Variants in GRIK2 observed in about 807,000 individuals in gnomAD.
GRIK2 encodes glutamate receptor ionotropic, kainate 2.
Under a neutral mutation model 100.3 loss-of-function variants are expected in GRIK2, and 32 were observed. That is an observed-to-expected ratio of 0.32 (90% CI 0.24 to 0.43). The LOEUF (loss-of-function observed/expected upper bound fraction) is 0.43. Among genes scored for constraint, GRIK2 ranks in the 20% least tolerant of loss-of-function variants. The pLI is 1.00. For synonymous variants in GRIK2, 417 were observed against 389.4 expected (o/e 1.07, Z -0.83); for missense variants, 843 against 1,114.9 (o/e 0.76, Z 3.47).
chr6:102,006,383 TA>T (rs1795228214), intron 14 of GRIK2, among the ~76,000 whole-genome samples: 1 of 116,128 alleles, frequency 8.6e-6, no homozygotes, highest in Non-Finnish European at 1.6e-5. Context: ...TATATATATA[TA>T]TATATATTTT....
intron 2 of GRIK2, among the ~76,000 whole-genome samples, chr6:101,599,247 A>C (rs1322152284): frequency 2.0e-5 from 3 of 151,790 alleles, no homozygotes; most frequent in African/African-American, 7.2e-5. Flanking sequence ...AAAGGACACC[A>C]TTTTGTTCTT....
At chr6:101,717,183 A>G (rs1306920312) in intron 7 of GRIK2, among the ~76,000 whole-genome samples, 3 of 151,826 alleles carry the variant, frequency 2.0e-5, no homozygotes, top group African/African-American at 2.4e-5. Flanking sequence ...AATGAGGTAT[A>G]TAAAAAGGAG....
At chr6:102,011,616 C>T (rs1795541658) in intron 14 of GRIK2, among the ~76,000 whole-genome samples, 2 of 120,822 alleles carry the variant, frequency 1.7e-5, no homozygotes, top group Non-Finnish European at 1.6e-5. Context: ...CAGAGTCTCA[C>T]TCTGTCACCC....
At chr6:101,437,053 T>A (rs1346643993) in intron 2 of GRIK2, among the ~76,000 whole-genome samples, 1 of 151,600 alleles carries the variant, frequency 6.6e-6, no homozygotes, top group Non-Finnish European at 1.5e-5. Flanking sequence ...TATACTATTT[T>A]GTAAACAAAT....
intron 14 of GRIK2, among the ~76,000 whole-genome samples, chr6:101,977,720 T>C (rs1793478122): frequency 6.6e-6 from 1 of 151,978 alleles, no homozygotes. Context: ...AGGGAGATTT[T>C]AGTGGAAGAC....
At chr6:101,831,101 C>T (rs577928957) in intron 10 of GRIK2, among the ~76,000 whole-genome samples, 15 of 152,062 alleles carry the variant, frequency 9.9e-5, no homozygotes, top group Non-Finnish European at 8.8e-5. Context: ...GCACATGTAA[C>T]CCCTGAATCT....
At chr6:101,895,656 A>G (rs767094272) in intron 12 of GRIK2, among the ~76,000 whole-genome samples, 5 of 151,830 alleles carry the variant, frequency 3.3e-5, no homozygotes, top group Non-Finnish European at 5.9e-5. Context: ...TTGTCACATT[A>G]AAATGAAATG....
At chr6:101,608,815 ATGTATGTATGTG>A (rs141984091) in intron 2 of GRIK2, among the ~76,000 whole-genome samples, 24,660 of 120,400 alleles carry the variant, frequency 0.2, 2,055 homozygotes, top group Admixed American at 0.27. Flanking sequence ...GTGTGTGTGT[ATGTATGTATGTG>A]TGTGTGTGTC....
chr6:101,941,576 T>C lies in GRIK2; in HGVS notation c.2085+12944T>C, dbSNP rs544645384. ...CAAATGTTCAATACATTTAAAAATA[T>C]GTTTTGACAGAGTCTGAAGTTACAC... On this transcript the variant is annotated intron_variant, in intron 14 of 16. Coordinates refer to ENST00000369134, the MANE Select transcript of GRIK2 (RefSeq NM_021956.5). Among the ~76,000 whole-genome samples, 272 of 152,198 alleles carry C rather than the reference T, an allele frequency of 1.8e-3. 1 individual carries two copies. Among genetic ancestry groups the C allele is most frequent in the Middle Eastern group, 3.4e-3 (1 of 294 alleles).
chr6:101,872,764 A>G (rs1785515342), intron 11 of GRIK2, among the ~76,000 whole-genome samples: 2 of 151,880 alleles, frequency 1.3e-5, no homozygotes, highest in Admixed American at 1.3e-4. Flanking sequence ...TTCCTCACAT[A>G]AATTATGTTT....
intron 2 of GRIK2, among the ~76,000 whole-genome samples, chr6:101,603,374 G>A (rs1779307664): frequency 6.6e-6 from 1 of 151,648 alleles, no homozygotes; most frequent in African/African-American, 2.4e-5. Flanking sequence ...GGATAAGACA[G>A]AGTCTTGTAG....
At chr6:101,406,401 C>G (rs546871838) in intron 2 of GRIK2, among the ~76,000 whole-genome samples, 1 of 152,226 alleles carries the variant, frequency 6.6e-6, no homozygotes, top group African/African-American at 2.4e-5. Context: ...GGTCACTAGA[C>G]AGCAGGGCCA....
intron 11 of GRIK2, among the ~76,000 whole-genome samples, chr6:101,878,070 GTATAT>G (rs67537651): frequency 0.37 from 50,433 of 135,024 alleles, 9,659 homozygotes; most frequent in Admixed American, 0.43. Flanking sequence ...ATCGTGCCAG[GTATAT>G]TATATTATAT....
chr6:101,651,896 CAAAG>C (rs957894662), intron 4 of GRIK2, among the ~76,000 whole-genome samples: 4 of 152,106 alleles, frequency 2.6e-5, no homozygotes, highest in African/African-American at 9.6e-5. Flanking sequence ...TGAGTATAAA[CAAAG>C]AAGACTCGGA....
At chr6:101,892,626 A>C (rs557636050) in intron 12 of GRIK2, among the ~76,000 whole-genome samples, 27 of 152,030 alleles carry the variant, frequency 1.8e-4, no homozygotes, top group African/African-American at 6.5e-4. Flanking sequence ...TCAGCTTCTT[A>C]TTCCACAATT....
At chr6:101,572,667 A>G (rs1777592828) in intron 2 of GRIK2, among the ~76,000 whole-genome samples, 1 of 151,582 alleles carries the variant, frequency 6.6e-6, no homozygotes. Context: ...TGTAGTTCAA[A>G]ACGTACCCTG....
At chr6:101,420,143 G>A (rs1266278237) in intron 2 of GRIK2, among the ~76,000 whole-genome samples, 1 of 152,212 alleles carries the variant, frequency 6.6e-6, no homozygotes, top group African/African-American at 2.4e-5. Context: ...CTCAGAGCAA[G>A]TTGATCGCCC....
At chr6:101,809,949 AAATC>A (rs1781227076) in intron 9 of GRIK2, among the ~76,000 whole-genome samples, 1 of 152,004 alleles carries the variant, frequency 6.6e-6, no homozygotes, top group Non-Finnish European at 1.5e-5. Flanking sequence ...TTATGTTTAG[AAATC>A]AATCAGATTG....
chr6:101,907,403 C>T (rs1788305831), intron 12 of GRIK2, among the ~76,000 whole-genome samples: 1 of 150,660 alleles, frequency 6.6e-6, no homozygotes, highest in African/African-American at 2.4e-5. Flanking sequence ...AAAAAAAAAG[C>T]TGAGCATATC....
Sources: allele counts gnomAD v4.1 joint callset (sites outside exome capture counted in the v4.1 genomes callset), GRCh38; gene constraint gnomAD v4.1.1; transcripts MANE v1.5; gene names NCBI Gene and HGNC (gene_info 2026-07-23, HGNC 2026-07-21).